The following OCRL variants were observed in gnomAD, a reference collection of about 807,000 sequenced individuals.
The protein encoded by OCRL is OCRL inositol polyphosphate-5-phosphatase.
OCRL carries 8 observed loss-of-function variants against 78.9 expected under a neutral mutation model. That is an observed-to-expected ratio of 0.10 (90% CI 0.06 to 0.18). The LOEUF (loss-of-function observed/expected upper bound fraction) is 0.18. Among genes scored for constraint, OCRL ranks in the 10% least tolerant of loss-of-function variants. The pLI, the probability that OCRL is intolerant of heterozygous loss-of-function variation, is 1.00. For synonymous variants in OCRL, 240 were observed against 235.4 expected (o/e 1.02, Z -0.18); for missense variants, 454 against 696.7 (o/e 0.65, Z 3.92).
intron 16 of OCRL, 96 bp from the exon 17 acceptor site, chrX:129,575,801 A>G: frequency 1.9e-6 from 2 of 1,032,744 alleles, no homozygotes; most frequent in South Asian, 3.8e-5. Context: ...CACCTGCTTA[A>G]CAATTACCTT....
intron 18 of OCRL, among the ~76,000 whole-genome samples, chrX:129,578,064 G>T (rs1357058871): frequency 9.0e-6 from 1 of 111,157 alleles, no homozygotes; most frequent in Non-Finnish European, 1.9e-5. Flanking sequence ...TATACACACA[G>T]ATGTTTTTTG....
Position 129,588,823 on chromosome X carries a change from C to T in OCRL, c.2342-63C>T, listed in dbSNP as rs1247131863. On this transcript the variant is annotated intron_variant, in intron 21 of 23. Transcript: ENST00000371113. ...CCCTGTAGGAGCTTGAGGAAAGGAG[C>T]TCGTCGGGGCTCTGTGTGGCCTTTC... is the stretch of plus-strand genomic sequence containing the variant. 10 of 1,191,563 alleles carry T rather than the reference C, an allele frequency of 8.4e-6. No homozygotes were observed. In the South Asian group the frequency reaches 1.2e-4, roughly 15 times the overall value.
At chrX:129,569,445 A>T in intron 15 of OCRL, 46 bp downstream of exon 15, 1 of 1,130,535 alleles carries the variant, frequency 8.8e-7, no homozygotes, top group Non-Finnish European at 1.2e-6. Context: ...TTAAGTATCA[A>T]TTACTAGAGG....
chrX:129,590,240 G>A lies in OCRL; in HGVS notation c.2676G>A (p.Leu892=). ...SDRQRAIQFL[L]GFLLGSEED The stretch of plus-strand genomic sequence containing the variant: ...GCCAGCGTGCTATTCAGTTCCTTCT[G>A]GGCTTTCTGCTTGGGAGCGAAGAAG... Residue 892 remains leucine (L), a synonymous_variant, in exon 24 of 24, where the codon CTG becomes CTA. Coordinates refer to ENST00000371113, the MANE Select transcript of OCRL (RefSeq NM_000276.4). 8.3e-7 allele frequency: 1 copy of A among 1,211,199 alleles called. No homozygotes were observed. The highest frequency in any genetic ancestry group is 1.1e-6 in the Non-Finnish European group (1 of 895,343).
At chrX:129,571,877 A>G (rs765621896) in intron 15 of OCRL, among the ~76,000 whole-genome samples, 1 of 111,101 alleles carries the variant, frequency 9.0e-6, no homozygotes, top group East Asian at 2.8e-4. Flanking sequence ...CCTACTCCCA[A>G]CTTTGCCTAA....
intron 4 of OCRL, chrX:129,549,750 A>G (rs1935934649): frequency 8.9e-6 from 1 of 112,570 alleles, no homozygotes; most frequent in African/African-American, 3.2e-5. Context: ...AATGTCCTGT[A>G]TTTGATGTGG....
chrX:129,576,406 C>G lies in OCRL; in HGVS notation c.1969C>G (p.Leu657Val), dbSNP rs761578537. Reference sequence around the variant, plus strand: ...GGGAGAAGATAAGATTGAAGATATTCTCGTCCTTCACCTGGATCGAGGCAA... The same window carrying G: ...GGGAGAAGATAAGATTGAAGATATTGTCGTCCTTCACCTGGATCGAGGCAA... ...NSGEDKIEDI[L>V]VLHLDRGKDY... The change falls in exon 18 of 24, where the codon CTC becomes GTC. Residue 657 changes from leucine (L) to valine (V), a missense_variant. Transcript: ENST00000371113. 5 of 1,210,533 alleles carry G rather than the reference C, an allele frequency of 4.1e-6. No homozygotes were observed. Among genetic ancestry groups the G allele is most frequent in the Non-Finnish European group, 5.6e-6 (5 of 894,468 alleles).
At chrX:129,581,260 T>C (rs1262864717) in intron 18 of OCRL, among the ~76,000 whole-genome samples, 1 of 112,605 alleles carries the variant, frequency 8.9e-6, no homozygotes, top group Non-Finnish European at 1.9e-5. Context: ...AGGGTGAATG[T>C]TGGGGTAAAG....
At chrX:129,548,697 T>C (rs1157621051) in intron 4 of OCRL, 96 bp downstream of exon 4, 1 of 736,655 alleles carries the variant, frequency 1.4e-6, no homozygotes, top group Non-Finnish European at 2.1e-6. Context: ...CATTTTTTAT[T>C]TTACCATCTT....
chrX:129,588,748 T>G, intron 21 of OCRL, 138 bp from the exon 22 acceptor site: 1 of 751,169 alleles, frequency 1.3e-6, no homozygotes, highest in Non-Finnish European at 2.0e-6. Context: ...CAATAAAATA[T>G]CAAACCCCCA....
chrX:129,581,452 C>G (rs1656817566), intron 18 of OCRL, among the ~76,000 whole-genome samples: 1 of 110,913 alleles, frequency 9.0e-6, no homozygotes, highest in African/African-American at 3.3e-5. Flanking sequence ...TAGGAGTAAG[C>G]TGTTTACTAA....
chrX:129,552,250 A>G (rs913924544), intron 4 of OCRL, among the ~76,000 whole-genome samples: 3 of 111,268 alleles, frequency 2.7e-5, no homozygotes, highest in Non-Finnish European at 3.8e-5. Flanking sequence ...GGTAAAATCC[A>G]TAGGAATTGT....
At chrX:129,549,975 A>C (rs1232898731) in intron 4 of OCRL, 2 of 112,086 alleles carry the variant, frequency 1.8e-5, no homozygotes, top group Non-Finnish European at 1.9e-5. Context: ...TAGTATTTGC[A>C]CTGAAACCAT....
chrX:129,552,996 C>T (rs923451591), intron 4 of OCRL, among the ~76,000 whole-genome samples: 1 of 112,078 alleles, frequency 8.9e-6, no homozygotes, highest in African/African-American at 3.2e-5. Flanking sequence ...TTGGACAGCA[C>T]GGTTTAGAGC....
rs1308744016 is a variant in OCRL, at chrX:129,540,273, A to G, written c.-167A>G. The G allele has an allele frequency of 1.8e-6, 1 of 554,806 alleles. No homozygotes were observed. Among genetic ancestry groups the G allele is most frequent in the Non-Finnish European group, 3.0e-6 (1 of 337,535 alleles). The allele number at this position is 554,806 out of a possible 1,213,427, so 45.7% of individuals were successfully genotyped here. A position where few individuals can be genotyped will look rare whatever the true frequency, so the allele number is the denominator to read the frequency against. ...GAGGCGCCGCTCTCTCTTGGGTCAG[A>G]TTCTCAGCTCCCAGCTCCCCGCTCC... On this transcript the variant is annotated 5_prime_UTR_variant, in exon 1 of 24. Transcript: ENST00000371113.
At chrX:129,575,025 A>G in intron 15 of OCRL, 115 bp from the exon 16 acceptor site, 1 of 548,434 alleles carries the variant, frequency 1.8e-6, no homozygotes. Flanking sequence ...TGTTGTTTGC[A>G]CCACAGTTTA....
In OCRL at chrX:129,557,928, G is replaced by A; in HGVS notation, c.417G>A (p.Lys139=). The part of the protein sequence containing the change: ...SSSWYQKLDT[K]DKPSVFSGLL... ...GCTGGTACCAGAAATTAGACACTAAGGACAAACCTTCTGTTTTTTCAGGTA... is the reference window on the plus strand; with the variant it reads ...GCTGGTACCAGAAATTAGACACTAAAGACAAACCTTCTGTTTTTTCAGGTA... Residue 139 remains lysine, a synonymous_variant, in exon 6 of 24, where the codon AAG becomes AAA. Coordinates refer to ENST00000371113, the MANE Select transcript of OCRL (RefSeq NM_000276.4). 2.5e-6 allele frequency: 3 copies of A among 1,192,891 alleles called. No homozygotes were observed.
At chrX:129,557,231 G>A (rs1936066724) in intron 4 of OCRL, 94 bp from the exon 5 acceptor site, 4 of 716,982 alleles carry the variant, frequency 5.6e-6, no homozygotes, top group Non-Finnish European at 8.7e-6. Flanking sequence ...TTGTGATCTG[G>A]ACCTTCTTCT....
intron 18 of OCRL, among the ~76,000 whole-genome samples, chrX:129,580,310 A>C (rs768083474): frequency 1.1e-4 from 12 of 112,198 alleles, no homozygotes; most frequent in African/African-American, 3.9e-4. Flanking sequence ...GTAGAAGGTG[A>C]AAGTGAAAAG....
Sources: gnomAD v4.1 joint callset for allele counts (sites outside exome capture counted in the v4.1 genomes callset) on GRCh38, gnomAD v4.1.1 for gene constraint, MANE v1.5 for transcripts, NCBI Gene and HGNC (gene_info 2026-07-23, HGNC 2026-07-21) for gene names.